Variants in EVL observed in about 807,000 individuals in gnomAD.
EVL encodes ena/VASP-like protein.
A neutral mutation model predicts 59.6 loss-of-function variants in EVL; 21 were observed. The observed-to-expected ratio is 0.35, with a 90% confidence interval of 0.25 to 0.51. The LOEUF (loss-of-function observed/expected upper bound fraction) is 0.51. Ranked by LOEUF, EVL falls within the 20% of genes least tolerant of loss-of-function variation. EVL has a pLI of 0.97. For synonymous variants in EVL, 198 were observed against 203.5 expected (o/e 0.97, Z 0.23); for missense variants, 462 against 546.6 (o/e 0.85, Z 1.54).
chr14:99,976,034 TG>T (rs1175354321), intron 1 of EVL, among the ~76,000 whole-genome samples: 1 of 152,046 alleles, frequency 6.6e-6, no homozygotes, highest in Non-Finnish European at 1.5e-5. Context: ...ATTTCTTTTT[TG>T]TTTTTTATTT....
intron 1 of EVL, among the ~76,000 whole-genome samples, chr14:99,993,570 A>C (rs2060889644): frequency 6.6e-6 from 1 of 150,526 alleles, no homozygotes; most frequent in Admixed American, 6.6e-5. Context: ...GTTAATTCTT[A>C]TTTAAATGTT....
At chr14:100,133,561 G>A (rs559730842) in intron 8 of EVL, among the ~76,000 whole-genome samples, 6 of 152,254 alleles carry the variant, frequency 3.9e-5, no homozygotes, top group African/African-American at 4.8e-5. Flanking sequence ...TCTCAGCCCC[G>A]TCCTGGGCAC....
chr14:100,057,389 G>A (rs573451442), intron 1 of EVL, among the ~76,000 whole-genome samples: 16 of 152,238 alleles, frequency 1.1e-4, no homozygotes, highest in Admixed American at 3.9e-4. Context: ...AGCTGACATC[G>A]GGGTTTCTTT....
chr14:100,115,625 T>C (rs1887291907), intron 3 of EVL, among the ~76,000 whole-genome samples: 1 of 152,196 alleles, frequency 6.6e-6, no homozygotes. Context: ...GGAGCTGAGC[T>C]GTCTCTGCTA....
At chr14:100,021,000 G>A (rs1033994553) in intron 1 of EVL, among the ~76,000 whole-genome samples, 9 of 152,200 alleles carry the variant, frequency 5.9e-5, no homozygotes, top group African/African-American at 2.2e-4. Flanking sequence ...TATAATGTCT[G>A]GCGTGTTACA....
chr14:100,126,641 C>T (rs1888090241), intron 4 of EVL, 66 bp from the exon 5 acceptor site: 9 of 1,569,962 alleles, frequency 5.7e-6, no homozygotes, highest in Non-Finnish European at 7.9e-6. Flanking sequence ...GGGTACAGCA[C>T]AGGCACAGAG....
intron 1 of EVL, among the ~76,000 whole-genome samples, chr14:99,973,115 T>C (rs1231512402): frequency 2.6e-5 from 4 of 152,236 alleles, no homozygotes; most frequent in African/African-American, 9.6e-5. Flanking sequence ...TATTGTTGTG[T>C]ATCTCCTGGT....
intron 1 of EVL, among the ~76,000 whole-genome samples, chr14:99,976,670 T>TA (rs1361288497): frequency 1.3e-5 from 2 of 152,216 alleles, no homozygotes; most frequent in Non-Finnish European, 2.9e-5. Context: ...TGGGAGCACT[T>TA]ACAATTGGCG....
In EVL at chr14:100,109,517, C is replaced by A. The variant is rs1257013198; in HGVS notation, c.358+11859C>A. The A allele has an allele frequency of 2.2e-6, 1 of 464,704 alleles. No homozygotes were observed. Among genetic ancestry groups the A allele is most frequent in the Non-Finnish European group, 4.5e-6 (1 of 224,186 alleles). 28.8% of individuals were successfully genotyped at this position (464,704 alleles called of 1,614,324 possible). ...AGAGAGACTGACACATCAGAGGTGT[C>A]TGGTGACTGAACAAGCTCCCAGCTT... On this transcript the variant is annotated intron_variant, in intron 3 of 13. Coordinates refer to ENST00000392920, the MANE Select transcript of EVL (RefSeq NM_016337.3). The surrounding 1 kb of genome is among the most constrained non-coding windows in gnomAD (Gnocchi z 4.3).
At chr14:100,004,481 G>GT (rs61519528) in intron 1 of EVL, among the ~76,000 whole-genome samples, 25 of 149,794 alleles carry the variant, frequency 1.7e-4, no homozygotes, top group Admixed American at 4.6e-4. Flanking sequence ...TGTGTAAGTG[G>GT]TTTTTTTTTT....
intron 1 of EVL, among the ~76,000 whole-genome samples, chr14:99,992,591 G>C (rs1020886062): frequency 1.3e-5 from 2 of 152,144 alleles, no homozygotes; most frequent in African/African-American, 4.8e-5. Context: ...TCCATTTTTA[G>C]TTAATCTTTG....
chr14:100,078,238 G>A (rs1254820109), intron 1 of EVL, among the ~76,000 whole-genome samples: 1 of 152,138 alleles, frequency 6.6e-6, no homozygotes, highest in Non-Finnish European at 1.5e-5. Context: ...TAATTTTGGA[G>A]GTTTCTCAGA....
chr14:99,999,568 C>T (rs1268831525), intron 1 of EVL, among the ~76,000 whole-genome samples: 3 of 152,204 alleles, frequency 2.0e-5, no homozygotes, highest in African/African-American at 4.8e-5. Context: ...AAGGCTGAGG[C>T]AGGAGGATCA....
chr14:100,006,268 C>G (rs1431891163), intron 1 of EVL, among the ~76,000 whole-genome samples: 1 of 151,070 alleles, frequency 6.6e-6, no homozygotes, highest in African/African-American at 2.4e-5. Context: ...CAAATAAAAC[C>G]AGCTGGTTGT....
chr14:99,972,610 T>C lies in EVL; in HGVS notation c.5+553T>C, dbSNP rs934427900. On this transcript the variant is annotated intron_variant, in intron 1 of 13. Transcript: ENST00000402714. The surrounding 1 kb of genome is among the most constrained non-coding windows in gnomAD (Gnocchi z 4.4). ...CCTAATTCTCAACCCCCCTTTTTTT[T>C]CTTCTTGCACGCCAGTAAAGTGCAA... Among the ~76,000 whole-genome samples the C allele has an allele frequency of 2.0e-5, 3 of 152,122 alleles. No individual in the cohort carries two copies. Among genetic ancestry groups the C allele is most frequent in the Non-Finnish European group, 4.4e-5 (3 of 68,020 alleles).
At chr14:100,138,502 T>C (rs1451187824) in intron 11 of EVL, 1 of 152,708 alleles carries the variant, frequency 6.5e-6, no homozygotes, top group Non-Finnish European at 1.5e-5. Context: ...AATGTCTCCA[T>C]CGCCACCACA....
At chr14:99,980,882 TAA>T (rs1431664381) in intron 1 of EVL, among the ~76,000 whole-genome samples, 3 of 152,228 alleles carry the variant, frequency 2.0e-5, no homozygotes, top group East Asian at 3.8e-4. Flanking sequence ...ATTTAATTTA[TAA>T]GTTTGTTTTT....
In EVL at chr14:100,127,006, A is replaced by C. The variant is rs1219387902; in HGVS notation, c.487+235A>C. Among the ~76,000 whole-genome samples the C allele has an allele frequency of 6.6e-6, 1 of 152,218 alleles. No homozygotes were observed. The highest frequency in any genetic ancestry group is 1.5e-5 in the Non-Finnish European group (1 of 68,026). ...CCTGCCAACCTTCTCCGGAGTGGAC[A>C]TTCAGCAAGCACCTCCTGTGTCTCA... is the stretch of plus-strand genomic sequence containing the variant. On this transcript the variant is annotated intron_variant, in intron 5 of 13. Transcript: ENST00000392920. This position sits in a 1 kb window ranked among gnomAD's most constrained non-coding sequence, Gnocchi z 4.2.
chr14:100,089,794 G>A (rs984011809), intron 2 of EVL, among the ~76,000 whole-genome samples: 6 of 152,178 alleles, frequency 3.9e-5, no homozygotes, highest in African/African-American at 1.2e-4. Flanking sequence ...TTAACTGGGT[G>A]TGGTGGCATG....
Sources: gnomAD v4.1 joint callset for allele counts (sites outside exome capture counted in the v4.1 genomes callset) on GRCh38, gnomAD v4.1.1 for gene constraint, Gnocchi (gnomAD v3.1) non-coding constraint, MANE v1.5 for transcripts, NCBI Gene and HGNC (gene_info 2026-07-23, HGNC 2026-07-21) for gene names.